TMEM132D: variants seen among roughly 807,000 people sequenced by gnomAD.
TMEM132D encodes transmembrane protein 132D.
In TMEM132D, 21 loss-of-function variants were observed where a neutral mutation model predicts 62.3. The observed-to-expected ratio is 0.34, with a 90% CI of 0.24 to 0.49. TMEM132D has a LOEUF of 0.49. Among genes scored for constraint, TMEM132D ranks in the 20% least tolerant of loss-of-function variants. The probability of loss-of-function intolerance (pLI) is 0.99; values close to 1 mark genes in which losing one functional copy is unlikely to be tolerated. For missense variants in TMEM132D, 1,346 were observed against 1,402.8 expected (o/e 0.96, Z 0.65); for synonymous variants, 621 against 575.6 (o/e 1.08, Z -1.13).
intron 1 of TMEM132D, among the ~76,000 whole-genome samples, chr12:129,749,374 A>C (rs889160719): frequency 7.9e-5 from 12 of 152,302 alleles, no homozygotes; most frequent in Admixed American, 6.5e-4. Flanking sequence ...TAAAACTTTC[A>C]TGAACTGTCA....
intron 2 of TMEM132D, among the ~76,000 whole-genome samples, chr12:129,536,413 AT>A (rs75790523): frequency 0.41 from 61,710 of 151,984 alleles, 12,960 homozygotes; most frequent in East Asian, 0.49. Flanking sequence ...AATAAGCTTC[AT>A]TTTTTTTATA....
rs184112042 is a variant in TMEM132D, at chr12:129,745,218, C to A, written c.80-44520G>T. On this transcript the variant is annotated intron_variant, in intron 1 of 8. Transcript: ENST00000422113. The stretch of plus-strand genomic sequence containing the variant: ...ATATCTATTTGAAAAAGAACTAATA[C>A]CCCTATATAACATCCCTTCAAAACC... 1.6e-4 allele frequency among the ~76,000 whole-genome samples: 25 copies of A among 152,224 alleles called. No individual in the cohort carries two copies. The East Asian group carries it at 3.9e-3, about 24-fold the overall frequency.
At chr12:129,305,835 C>T (rs1881835262) in intron 4 of TMEM132D, among the ~76,000 whole-genome samples, 1 of 152,052 alleles carries the variant, frequency 6.6e-6, no homozygotes, top group Non-Finnish European at 1.5e-5. Flanking sequence ...TAGTAAGAAT[C>T]CATCTGGGTT....
At chr12:129,716,737 G>T (rs762081001) in intron 1 of TMEM132D, among the ~76,000 whole-genome samples, 2 of 152,260 alleles carry the variant, frequency 1.3e-5, no homozygotes, top group Admixed American at 1.3e-4. Flanking sequence ...ATCTGCAAGG[G>T]TGCTTAAGAG....
chr12:129,893,346 G>T (rs1156331534), intron 1 of TMEM132D, among the ~76,000 whole-genome samples: 4 of 152,112 alleles, frequency 2.6e-5, no homozygotes, highest in African/African-American at 4.8e-5. Flanking sequence ...TTCGATCAAT[G>T]ATAATAAAAA....
At chr12:129,787,700 A>T (rs1007972782) in intron 1 of TMEM132D, among the ~76,000 whole-genome samples, 2 of 152,152 alleles carry the variant, frequency 1.3e-5, no homozygotes, top group Admixed American at 1.3e-4. Flanking sequence ...CCAAAATTTC[A>T]TCAACAGGAC....
In TMEM132D at chr12:129,348,788, T is replaced by C. The variant is rs561074093; in HGVS notation, c.1116-10971A>G. On this transcript the variant is annotated intron_variant, in intron 3 of 8. Transcript: ENST00000422113. ...TTGCCCAGCATCCCAGAGGGAGCCA[T>C]TGGCACCTGAACCAATGATGGCCGA... 9.8e-5 allele frequency among the ~76,000 whole-genome samples: 15 copies of C among 152,310 alleles called. No individual in the cohort carries two copies. In the South Asian group the frequency reaches 3.1e-3, roughly 32 times the overall value.
chr12:129,249,338 C>A (rs1295945398), intron 4 of TMEM132D, among the ~76,000 whole-genome samples: 1 of 152,172 alleles, frequency 6.6e-6, no homozygotes, highest in Non-Finnish European at 1.5e-5. Context: ...TATCTAGGCA[C>A]CTTGCAGTTG....
At chr12:129,283,336 T>C (rs1881205346) in intron 4 of TMEM132D, among the ~76,000 whole-genome samples, 1 of 152,040 alleles carries the variant, frequency 6.6e-6, no homozygotes, top group African/African-American at 2.4e-5. Context: ...GGATTACAGG[T>C]GCATGCCACC....
At chr12:129,888,471 G>T (rs1874816503) in intron 1 of TMEM132D, among the ~76,000 whole-genome samples, 1 of 152,174 alleles carries the variant, frequency 6.6e-6, no homozygotes, top group South Asian at 2.1e-4. Flanking sequence ...ACCGAGGCAG[G>T]AGGATCACCT....
At chr12:129,570,866 A>C (rs756660490) in intron 2 of TMEM132D, among the ~76,000 whole-genome samples, 12 of 152,208 alleles carry the variant, frequency 7.9e-5, no homozygotes, top group Non-Finnish European at 1.3e-4. Flanking sequence ...CCAATCACTG[A>C]CATGAACGAG....
chr12:129,702,527 A>T (rs1040464349), intron 1 of TMEM132D, among the ~76,000 whole-genome samples: 44 of 152,332 alleles, frequency 2.9e-4, no homozygotes, highest in African/African-American at 9.9e-4. Flanking sequence ...GCCTAGCCAC[A>T]GTTCTGTGAC....
At chr12:129,095,195 T>A (rs550260232) in intron 5 of TMEM132D, among the ~76,000 whole-genome samples, 13 of 150,150 alleles carry the variant, frequency 8.7e-5, no homozygotes, top group South Asian at 2.1e-4. Flanking sequence ...TAATAAAATT[T>A]AAAAAAAAAG....
intron 1 of TMEM132D, among the ~76,000 whole-genome samples, chr12:129,791,342 A>C (rs1257466526): frequency 6.6e-6 from 1 of 152,262 alleles, no homozygotes; most frequent in East Asian, 1.9e-4. Context: ...GCCTGACAAC[A>C]AAAGAGAAAT....
intron 2 of TMEM132D, among the ~76,000 whole-genome samples, chr12:129,696,240 T>C (rs766866149): frequency 2.0e-5 from 3 of 152,224 alleles, no homozygotes; most frequent in Non-Finnish European, 2.9e-5. Context: ...TGCTATCTCC[T>C]TTCTAAGCCT....
At chr12:129,346,852 G>C (rs933152810) in intron 3 of TMEM132D, among the ~76,000 whole-genome samples, 1 of 152,050 alleles carries the variant, frequency 6.6e-6, no homozygotes, top group African/African-American at 2.4e-5. Flanking sequence ...AGGCAACTTC[G>C]GCAAAGTCTT....
At chr12:129,891,395 G>A (rs1053212277) in intron 1 of TMEM132D, among the ~76,000 whole-genome samples, 1 of 152,172 alleles carries the variant, frequency 6.6e-6, no homozygotes, top group African/African-American at 2.4e-5. Flanking sequence ...TCATCAAAGA[G>A]CAAGACCTCT....
At chr12:129,491,950 A>AG (rs1178700002) in intron 3 of TMEM132D, among the ~76,000 whole-genome samples, 2 of 151,886 alleles carry the variant, frequency 1.3e-5, no homozygotes, top group Non-Finnish European at 2.9e-5. Context: ...TCAAAAAAAA[A>AG]AAATTGCTTA....
intron 1 of TMEM132D, among the ~76,000 whole-genome samples, chr12:129,869,183 C>T (rs1456879205): frequency 3.9e-5 from 6 of 152,008 alleles, no homozygotes; most frequent in East Asian, 3.9e-4. Context: ...ATTCCTGGTG[C>T]GTAAATATCT....
Sources: gnomAD v4.1 joint callset for allele counts (sites outside exome capture counted in the v4.1 genomes callset) on GRCh38, gnomAD v4.1.1 for gene constraint, MANE v1.5 for transcripts, NCBI Gene and HGNC (gene_info 2026-07-23, HGNC 2026-07-21) for gene names.